The following TMC1 variants were observed in gnomAD, a reference collection of about 807,000 sequenced individuals.
TMC1 encodes the protein transmembrane channel-like protein 1.
TMC1 carries 84 observed loss-of-function variants against 105.8 expected under a neutral mutation model. That is an observed-to-expected ratio of 0.79 (90% confidence interval 0.67 to 0.95). The LOEUF (loss-of-function observed/expected upper bound fraction) is 0.95, where lower values mean the gene tolerates loss of function less well. TMC1 is among the 40% of genes least tolerant of loss of function. TMC1 has a pLI of 0.00. For missense variants in TMC1, 817 were observed against 914.1 expected, an observed-to-expected ratio of 0.89 and a Z score of 1.37; for synonymous variants, 315 against 311.5, an observed-to-expected ratio of 1.01 and a Z score of -0.12.
chr9:72,788,321 A>G lies in TMC1; in HGVS notation c.885-18A>G. 6.2e-7 allele frequency: 1 copy of G among 1,613,876 alleles called. No individual in the cohort carries two copies. The highest frequency in any genetic ancestry group is 8.5e-7 in the Non-Finnish European group (1 of 1,179,844). ...CTCATTTTTTCTGGCTGCTGGGTTA[A>G]ACTTCCTGTTTTTGCAGAATGACCA... On this transcript the variant is annotated intron_variant, in intron 13 of 23. Coordinates refer to ENST00000297784, the MANE Select transcript of TMC1 (RefSeq NM_138691.3).
At chr9:72,647,243 G>T (rs1193796473) in intron 4 of TMC1, among the ~76,000 whole-genome samples, 1 of 150,664 alleles carries the variant, frequency 6.6e-6, no homozygotes, top group Non-Finnish European at 1.5e-5. Context: ...TTAATGAATA[G>T]AAATTTTTTT....
intron 5 of TMC1, among the ~76,000 whole-genome samples, chr9:72,670,579 C>T (rs1474734519): frequency 1.3e-5 from 2 of 152,048 alleles, no homozygotes. Context: ...ATCAATTATA[C>T]ATAATTGCCC....
chr9:72,803,276 A>G (rs1828508468), intron 17 of TMC1, among the ~76,000 whole-genome samples: 1 of 152,234 alleles, frequency 6.6e-6, no homozygotes, highest in Non-Finnish European at 1.5e-5. Flanking sequence ...AACTATAAAA[A>G]CCATAGAAGA....
In TMC1 at chr9:72,605,423, A is replaced by G. The variant is rs1004708149; in HGVS notation, c.-305-10945A>G. ...AACAGAAACATGCATTCTGGAGGCCAGAAGTCCAAGACCAAGGTTTCCTCT... is the reference window on the plus strand; with the variant it reads ...AACAGAAACATGCATTCTGGAGGCCGGAAGTCCAAGACCAAGGTTTCCTCT... On this transcript the variant is annotated intron_variant, in intron 2 of 23. Transcript: ENST00000297784. Among the ~76,000 whole-genome samples the G allele has an allele frequency of 2.6e-5, 4 of 152,196 alleles. No homozygotes were observed. In the South Asian group the frequency reaches 6.2e-4, roughly 24 times the overall value.
chr9:72,587,044 G>T (rs1318115624), intron 2 of TMC1, among the ~76,000 whole-genome samples: 1 of 152,154 alleles, frequency 6.6e-6, no homozygotes, highest in Non-Finnish European at 1.5e-5. Context: ...AGTGGATAGA[G>T]GTCAGGGATG....
intron 15 of TMC1, among the ~76,000 whole-genome samples, chr9:72,790,031 G>T (rs1828239670): frequency 6.6e-6 from 1 of 152,162 alleles, no homozygotes; most frequent in Non-Finnish European, 1.5e-5. Flanking sequence ...GAGAAAGGAG[G>T]TTAGACATAG....
chr9:72,538,792 T>C (rs1198087283), intron 1 of TMC1, among the ~76,000 whole-genome samples: 1 of 152,168 alleles, frequency 6.6e-6, no homozygotes, highest in African/African-American at 2.4e-5. Context: ...TGTCATGTGA[T>C]GCTATATCAG....
At chr9:72,788,292 CT>C in intron 13 of TMC1, 46 bp from the exon 14 acceptor site, 2 of 1,610,950 alleles carry the variant, frequency 1.2e-6, no homozygotes, top group African/African-American at 1.3e-5. Flanking sequence ...GCTATTTCCC[CT>C]ATCTCATTTT....
chr9:72,828,755 G>A (rs1828997590), intron 21 of TMC1, among the ~76,000 whole-genome samples: 1 of 152,158 alleles, frequency 6.6e-6, no homozygotes, highest in Admixed American at 6.5e-5. Flanking sequence ...ACACTCACTT[G>A]CAGCACCAAA....
rs573743853 is a variant in TMC1 at position 72,689,819 on chromosome 9, C to A, written c.64+1063C>A. ...TCATTTTCCGTTCCTTCACTTTCAC[C>A]CTATGTGTGTCCTTAAATCTAAAGT... On this transcript the variant is annotated intron_variant, in intron 6 of 23. Coordinates refer to ENST00000297784, the MANE Select transcript of TMC1 (RefSeq NM_138691.3). Among the ~76,000 whole-genome samples, 13 of 152,168 alleles carry A rather than the reference C, an allele frequency of 8.5e-5. No individual in the cohort carries two copies. The South Asian group carries it at 2.7e-3, about 32-fold the overall frequency.
At chr9:72,638,265 A>G (rs1202133612) in intron 4 of TMC1, among the ~76,000 whole-genome samples, 3 of 152,092 alleles carry the variant, frequency 2.0e-5, no homozygotes, top group South Asian at 2.1e-4. Context: ...TTAATCATCT[A>G]TCACTCCCCA....
chr9:72,724,805 T>C (rs1352350781), intron 8 of TMC1, among the ~76,000 whole-genome samples: 1 of 152,176 alleles, frequency 6.6e-6, no homozygotes, highest in Non-Finnish European at 1.5e-5. Flanking sequence ...GTGTACTCTT[T>C]AGAATTTTAG....
At chr9:72,562,162 A>G (rs1824065699) in intron 1 of TMC1, among the ~76,000 whole-genome samples, 2 of 152,202 alleles carry the variant, frequency 1.3e-5, no homozygotes, top group South Asian at 4.1e-4. Context: ...ATATTAACTC[A>G]GTAAGTAGGA....
At chr9:72,528,222 T>C (rs1440514498) in intron 1 of TMC1, among the ~76,000 whole-genome samples, 1 of 152,170 alleles carries the variant, frequency 6.6e-6, no homozygotes, top group Admixed American at 6.5e-5. Context: ...GTGCTGTCTA[T>C]GAGGAAGGGT....
rs760785189 is a variant in TMC1 at position 72,772,555 on chromosome 9, C to T, written c.884C>T (p.Ala295Val). The change falls in exon 13 of 24, where the codon GCA becomes GTA. Residue 295 changes from alanine to valine, a missense_variant and splice_region_variant. Ala to Val is a moderately conservative substitution (Grantham distance 64). Transcript: ENST00000297784. ...IGYSFLVVLK[A>V]MTKNIGDDGG... Reference sequence around the variant, plus strand: ...TACAGCTTTCTGGTTGTCCTCAAAGCGTAAGTTTCATTTGTCTTTTGGGAA... The same window carrying T: ...TACAGCTTTCTGGTTGTCCTCAAAGTGTAAGTTTCATTTGTCTTTTGGGAA... 5 of 1,613,672 alleles carry T rather than the reference C, an allele frequency of 3.1e-6. No homozygotes were observed. The highest frequency in any genetic ancestry group is 4.5e-5 in the East Asian group (2 of 44,862).
chr9:72,742,549 T>C (rs1418697473), intron 10 of TMC1, 24 bp downstream of exon 10: 1 of 1,585,790 alleles, frequency 6.3e-7, no homozygotes, highest in African/African-American at 1.3e-5. Flanking sequence ...AGATCTCAGG[T>C]GGAGAAGGTT....
intron 8 of TMC1, among the ~76,000 whole-genome samples, chr9:72,723,312 TTCTC>T (rs369647363): frequency 6.6e-6 from 1 of 152,204 alleles, no homozygotes; most frequent in African/African-American, 2.4e-5. Context: ...TTCTGCTCAT[TTCTC>T]TCTTTTTAAA....
At chr9:72,737,061 G>A (rs1827310753) in intron 8 of TMC1, among the ~76,000 whole-genome samples, 1 of 152,186 alleles carries the variant, frequency 6.6e-6, no homozygotes, top group South Asian at 2.1e-4. Flanking sequence ...AGTGTTGGGA[G>A]GAGAGTCGTT....
intron 18 of TMC1, 51 bp downstream of exon 18, chr9:72,805,561 T>G (rs765056279): frequency 2.7e-6 from 4 of 1,491,450 alleles, no homozygotes; most frequent in Non-Finnish European, 3.6e-6. Flanking sequence ...TTATTTATTT[T>G]TTATTGATAA....
Sources: allele counts gnomAD v4.1 joint callset (sites outside exome capture counted in the v4.1 genomes callset), GRCh38; gene constraint gnomAD v4.1.1; transcripts MANE v1.5; gene names NCBI Gene and HGNC (gene_info 2026-07-23, HGNC 2026-07-21).